ESF1: variants seen among roughly 807,000 people sequenced by gnomAD.
ESF1 encodes the protein ESF1 nucleolar pre-rRNA processing protein, also known as ESF1 homolog.
In ESF1, 58 loss-of-function variants were observed where a neutral mutation model predicts 92.0. The observed-to-expected ratio is 0.63, with a 90% CI of 0.51 to 0.78. The LOEUF is 0.78. Ranked by LOEUF, ESF1 falls within the 30% of genes least tolerant of loss-of-function variation. The pLI is 0.00. For synonymous variants in ESF1, 321 were observed against 313.7 expected, an observed-to-expected ratio of 1.02 and a Z score of -0.24; for missense variants, 922 against 989.1, an observed-to-expected ratio of 0.93 and a Z score of 0.91.
At chr20:13,748,108 G>A (rs1419849425) in intron 9 of ESF1, among the ~76,000 whole-genome samples, 5 of 152,170 alleles carry the variant, frequency 3.3e-5, no homozygotes, top group Non-Finnish European at 7.4e-5. Flanking sequence ...ACTGTTGACT[G>A]AAATGTCGTT....
intron 6 of ESF1, among the ~76,000 whole-genome samples, chr20:13,770,534 GAC>G (rs1185992430): frequency 6.6e-6 from 1 of 152,158 alleles, no homozygotes; most frequent in East Asian, 1.9e-4. Flanking sequence ...TTTTTGTAGA[GAC>G]AGGGTCTCAC....
intron 9 of ESF1, among the ~76,000 whole-genome samples, chr20:13,756,179 C>T (rs1978884833): frequency 1.3e-5 from 2 of 152,146 alleles, no homozygotes. Context: ...TTATTAGTTC[C>T]AATTTCCATA....
chr20:13,746,544 A>G (rs534457823), intron 9 of ESF1, among the ~76,000 whole-genome samples: 1 of 152,276 alleles, frequency 6.6e-6, no homozygotes, highest in African/African-American at 2.4e-5. Flanking sequence ...ATGCTATCCC[A>G]AATTTCATTA....
chr20:13,760,028 T>C (rs926648801), intron 8 of ESF1, among the ~76,000 whole-genome samples, 175 bp from the exon 9 acceptor site: 2 of 152,278 alleles, frequency 1.3e-5, no homozygotes, highest in African/African-American at 2.4e-5. Flanking sequence ...TAAAAATCAG[T>C]TGCAATATAA....
chr20:13,773,972 GTAGTCCCAGCTAC>G (rs1427400762), intron 4 of ESF1, among the ~76,000 whole-genome samples: 2 of 152,010 alleles, frequency 1.3e-5, no homozygotes, highest in African/African-American at 4.8e-5. Context: ...GTGGGCGCCT[GTAGTCCCAGCTAC>G]TCAGGAGGCT....
At chr20:13,745,961 TC>T (rs1298514670) in intron 9 of ESF1, among the ~76,000 whole-genome samples, 1 of 152,012 alleles carries the variant, frequency 6.6e-6, no homozygotes, top group African/African-American at 2.4e-5. Flanking sequence ...CTGTATGTGT[TC>T]ATTTTATTTT....
Position 13,717,416 on chromosome 20 carries a change from C to T in ESF1, c.2214G>A (p.Lys738=), listed in dbSNP as rs767542408. The part of the protein sequence containing the change: ...IVEHQNLSKK[K]KKQLMKKKEL... ...CCTTCTTTTTCATGAGCTGCTTTTT[C>T]TTCTTTTTGCTCAGATTCTGGTGCT... The change falls in exon 13 of 14, where the codon AAG becomes AAA. Residue 738 remains lysine, a synonymous_variant. Coordinates refer to ENST00000617257, the MANE Select transcript of ESF1 (RefSeq NM_001276380.2). 1 of 1,614,058 alleles carries T rather than the reference C, an allele frequency of 6.2e-7. No individual in the cohort carries two copies. The highest frequency in any genetic ancestry group is 8.5e-7 in the Non-Finnish European group (1 of 1,180,006).
chr20:13,783,937 G>C (rs1350968061), intron 1 of ESF1, among the ~76,000 whole-genome samples: 1 of 152,188 alleles, frequency 6.6e-6, no homozygotes, highest in Non-Finnish European at 1.5e-5. Context: ...CTTTAGTTCT[G>C]TAAGACTAGC....
chr20:13,764,658 C>T (rs1029757775), intron 8 of ESF1, among the ~76,000 whole-genome samples: 1 of 151,928 alleles, frequency 6.6e-6, no homozygotes, highest in Non-Finnish European at 1.5e-5. Flanking sequence ...GAAAATAAAA[C>T]GTTACTAAGA....
rs192621218 is a variant in ESF1, at chr20:13,763,010, G to A, written c.1667-3157C>T. The A allele has an allele frequency of 1.6e-4, 36 of 221,702 alleles. No homozygotes were observed. In the East Asian group the frequency reaches 2.1e-3, roughly 13 times the overall value. The allele number at this position is 221,702 out of a possible 1,614,324, so 13.7% of individuals were successfully genotyped here. A position where few individuals can be genotyped will look rare whatever the true frequency, so the allele number is the denominator to read the frequency against. On this transcript the variant is annotated intron_variant, in intron 8 of 13. Coordinates refer to ENST00000617257, the MANE Select transcript of ESF1 (RefSeq NM_001276380.2). The stretch of plus-strand genomic sequence containing the variant: ...AGAGTAGCTGGGACTACAGGCGCCC[G>A]CCACTACGCCCGGCTAATTTTTTTG...
At chr20:13,753,324 C>A (rs1978724672) in intron 9 of ESF1, among the ~76,000 whole-genome samples, 1 of 151,428 alleles carries the variant, frequency 6.6e-6, no homozygotes, top group Admixed American at 6.6e-5. Context: ...CCCTCTATCT[C>A]TTTTAGCAGG....
chr20:13,724,530 T>C (rs1235948994), intron 11 of ESF1, among the ~76,000 whole-genome samples: 1 of 152,192 alleles, frequency 6.6e-6, no homozygotes, highest in Admixed American at 6.5e-5. Context: ...AATGTTAACA[T>C]TCAATATATT....
At chr20:13,715,483 G>A (rs981367146) in intron 13 of ESF1, among the ~76,000 whole-genome samples, 1 of 152,148 alleles carries the variant, frequency 6.6e-6, no homozygotes, top group Admixed American at 6.5e-5. Context: ...TGTAGCAGTG[G>A]TTTGTGAGGC....
At chr20:13,743,777 T>C (rs1357504234) in intron 9 of ESF1, among the ~76,000 whole-genome samples, 7 of 152,182 alleles carry the variant, frequency 4.6e-5, no homozygotes. Context: ...ACAAGATGAA[T>C]AAGTTCTGGG....
intron 9 of ESF1, among the ~76,000 whole-genome samples, chr20:13,756,554 T>C (rs1978907000): frequency 6.6e-6 from 1 of 152,204 alleles, no homozygotes; most frequent in Non-Finnish European, 1.5e-5. Context: ...ACTCTATTTC[T>C]GGGAAACTAT....
Position 13,747,984 on chromosome 20 carries a change from T to C in ESF1, c.1828+11708A>G, listed in dbSNP as rs192773882. 3.0e-3 allele frequency among the ~76,000 whole-genome samples: 450 copies of C among 152,310 alleles called. 1 individual carries two copies. The highest frequency in any genetic ancestry group is 1.0e-2 in the African/African-American group (415 of 41,558). ...AATTGTAACACAATAGTAGTATTTG[T>C]GTATCTAAACATAAAAAAGGCAATG... On this transcript the variant is annotated intron_variant, in intron 9 of 13. Coordinates refer to ENST00000617257, the MANE Select transcript of ESF1 (RefSeq NM_001276380.2).
Position 13,730,849 on chromosome 20 carries a change from G to A in ESF1, c.1951-2384C>T, listed in dbSNP as rs1216626229. ...GCTAGATCAAAATACTAGATAACAC[G>A]GCATATATCAGGTATTCATTTCTTC... On this transcript the variant is annotated intron_variant, in intron 10 of 13. Coordinates refer to ENST00000617257, the MANE Select transcript of ESF1 (RefSeq NM_001276380.2). 2.6e-5 allele frequency among the ~76,000 whole-genome samples: 4 copies of A among 151,264 alleles called. No homozygotes were observed. In the South Asian group the frequency reaches 8.4e-4, roughly 32 times the overall value.
intron 2 of ESF1, among the ~76,000 whole-genome samples, chr20:13,781,363 TG>T (rs1294766264): frequency 1.3e-5 from 2 of 152,222 alleles, no homozygotes; most frequent in Non-Finnish European, 2.9e-5. Context: ...TTTGATATAT[TG>T]GGTTACATAA....
intron 7 of ESF1, 150 bp downstream of exon 7, chr20:13,769,757 G>A: frequency 1.6e-6 from 1 of 635,896 alleles, no homozygotes; most frequent in South Asian, 1.8e-5. Flanking sequence ...CTGCACTCCA[G>A]CCTGGGTGAG....
Sources: allele counts gnomAD v4.1 joint callset (sites outside exome capture counted in the v4.1 genomes callset), GRCh38; gene constraint gnomAD v4.1.1; transcripts MANE v1.5; gene names NCBI Gene and HGNC (gene_info 2026-07-23, HGNC 2026-07-21).